The following TPRG1 variants were observed in gnomAD, a reference collection of about 807,000 sequenced individuals.
The protein encoded by TPRG1 is tumor protein p63-regulated gene 1 protein.
A neutral mutation model predicts 29.3 loss-of-function variants in TPRG1; 29 were observed. That is an observed-to-expected ratio of 0.99 (90% CI 0.74 to 1.35). The LOEUF (loss-of-function observed/expected upper bound fraction) is 1.35, where lower values mean the gene tolerates loss of function less well. Ranked by LOEUF, TPRG1 falls within the 40% of genes most tolerant of loss-of-function variation. The pLI is 0.00. For synonymous variants in TPRG1, 130 were observed against 116.8 expected (o/e 1.11, Z -0.73); for missense variants, 327 against 335.0 (o/e 0.98, Z 0.19).
intron 5 of TPRG1, among the ~76,000 whole-genome samples, chr3:189,165,146 T>G (rs7618807): frequency 6.6e-6 from 1 of 151,802 alleles, no homozygotes; most frequent in Non-Finnish European, 1.5e-5. Context: ...AATGAAACTT[T>G]GAGTTTACCT....
intron 4 of TPRG1, among the ~76,000 whole-genome samples, chr3:189,150,473 G>T (rs899735267): frequency 6.6e-6 from 1 of 152,126 alleles, no homozygotes; most frequent in Admixed American, 6.6e-5. Flanking sequence ...GAGCCACCGC[G>T]CCGAGATCTT....
intron 3 of TPRG1, among the ~76,000 whole-genome samples, chr3:189,143,525 C>G (rs1228816306): frequency 6.6e-6 from 1 of 152,192 alleles, no homozygotes; most frequent in East Asian, 1.9e-4. Flanking sequence ...CATACAAAAG[C>G]TGCTCCAATA....
At chr3:189,206,012 T>TTTCCTTCCTTCC (rs149478955) in intron 1 of TPRG1, among the ~76,000 whole-genome samples, 16,658 of 125,628 alleles carry the variant, frequency 0.13, 1,455 homozygotes, top group African/African-American at 0.18. Flanking sequence ...TGCAGGTACA[T>TTTCCTTCCTTCC]TTCCTTCCTT....
intron 4 of TPRG1, among the ~76,000 whole-genome samples, chr3:189,066,522 A>C (rs1202481503): frequency 1.3e-5 from 2 of 152,134 alleles, no homozygotes; most frequent in Admixed American, 1.3e-4. Context: ...AAAATGCAAA[A>C]ATAAATCAAT....
chr3:189,254,124 G>A (rs1742698513), intron 4 of TPRG1, among the ~76,000 whole-genome samples: 1 of 152,074 alleles, frequency 6.6e-6, no homozygotes, highest in African/African-American at 2.4e-5. Flanking sequence ...GTATTGCCTA[G>A]GTTTTCTTTT....
chr3:189,297,290 C>T (rs1035172195), intron 4 of TPRG1, among the ~76,000 whole-genome samples: 2 of 152,114 alleles, frequency 1.3e-5, no homozygotes, highest in Non-Finnish European at 2.9e-5. Flanking sequence ...CACTGATAAA[C>T]CCTCTTCTGC....
At chr3:189,278,449 T>C (rs1716535101) in intron 4 of TPRG1, among the ~76,000 whole-genome samples, 1 of 152,162 alleles carries the variant, frequency 6.6e-6, no homozygotes, top group Admixed American at 6.5e-5. Context: ...GTGAGCAGAT[T>C]GTGTAACCAG....
intron 3 of TPRG1, among the ~76,000 whole-genome samples, chr3:189,013,648 G>T (rs1712764512): frequency 6.6e-6 from 1 of 152,142 alleles, no homozygotes; most frequent in Non-Finnish European, 1.5e-5. Context: ...TATTGTGTGG[G>T]ATTTGAGGTC....
intron 1 of TPRG1, among the ~76,000 whole-genome samples, chr3:189,103,131 G>A (rs922025357): frequency 6.6e-6 from 1 of 152,184 alleles, no homozygotes; most frequent in Non-Finnish European, 1.5e-5. Context: ...CCTAGAGCCA[G>A]GGTGGCAAAC....
chr3:189,167,413 C>A (rs1232707469), upstream of TPRG1, among the ~76,000 whole-genome samples: 2 of 152,200 alleles, frequency 1.3e-5, no homozygotes, highest in Non-Finnish European at 2.9e-5. Flanking sequence ...TTCTCCCTGC[C>A]ATGAATGGCT....
intron 1 of TPRG1, among the ~76,000 whole-genome samples, chr3:189,176,235 C>T (rs1729470696): frequency 6.6e-6 from 1 of 152,144 alleles, no homozygotes; most frequent in African/African-American, 2.4e-5. Context: ...TCTCAGAGTT[C>T]TGCGCCTCAA....
Position 189,238,811 on chromosome 3 carries a change from C to T in TPRG1, c.381C>T (p.Phe127=). 1 of 1,613,850 alleles carries T rather than the reference C, an allele frequency of 6.2e-7. No homozygotes were observed. ...DKTLLICKYD[F]IMLSCVQLQR... ...CTCTCTTGATCTGCAAATACGACTTCATCATGCTGAGTTGTGTGCAGCTGC... is the reference window on the plus strand; with the variant it reads ...CTCTCTTGATCTGCAAATACGACTTTATCATGCTGAGTTGTGTGCAGCTGC... Residue 127 remains phenylalanine, a synonymous_variant, in exon 4 of 6, where the codon TTC becomes TTT. Transcript: ENST00000345063.
chr3:189,159,522 G>T (rs927625121), intron 5 of TPRG1, among the ~76,000 whole-genome samples: 1 of 152,156 alleles, frequency 6.6e-6, no homozygotes, highest in Non-Finnish European at 1.5e-5. Flanking sequence ...TTATGATCTC[G>T]TACAACTCCC....
At chr3:189,230,991 T>C (rs1265630032) in intron 3 of TPRG1, among the ~76,000 whole-genome samples, 1 of 152,154 alleles carries the variant, frequency 6.6e-6, no homozygotes, top group Non-Finnish European at 1.5e-5. Context: ...GGTATCTAAA[T>C]GAATGTAGCA....
chr3:189,191,206 C>T (rs973234415), intron 1 of TPRG1, among the ~76,000 whole-genome samples: 2 of 152,058 alleles, frequency 1.3e-5, no homozygotes, highest in African/African-American at 4.8e-5. Context: ...AAATAAAGAG[C>T]TATTTGTGAC....
At chr3:189,289,231 G>A (rs1161014411) in intron 4 of TPRG1, among the ~76,000 whole-genome samples, 1 of 152,080 alleles carries the variant, frequency 6.6e-6, no homozygotes, top group Admixed American at 6.6e-5. Context: ...TTATTTATGA[G>A]GATGGCCTCA....
At chr3:189,170,795 C>T (rs933097769), upstream of TPRG1, among the ~76,000 whole-genome samples, 4 of 152,178 alleles carry the variant, frequency 2.6e-5, no homozygotes, top group African/African-American at 7.2e-5. Flanking sequence ...CCTGTGGAAT[C>T]GCTTCATGAC....
chr3:189,011,925 TC>T (rs1259892197), intron 3 of TPRG1, among the ~76,000 whole-genome samples: 1 of 152,210 alleles, frequency 6.6e-6, no homozygotes, highest in Non-Finnish European at 1.5e-5. Context: ...GTGATTTGGC[TC>T]TCAGCTTGCC....
intron 3 of TPRG1, among the ~76,000 whole-genome samples, chr3:189,020,023 G>T (rs1713205316): frequency 6.6e-6 from 1 of 151,824 alleles, no homozygotes; most frequent in Non-Finnish European, 1.5e-5. Context: ...TTTGCGTAGA[G>T]GTGTTTGTAG....
Sources: gnomAD v4.1 joint callset for allele counts (sites outside exome capture counted in the v4.1 genomes callset) on GRCh38, gnomAD v4.1.1 for gene constraint, MANE v1.5 for transcripts, NCBI Gene and HGNC (gene_info 2026-07-23, HGNC 2026-07-21) for gene names.